RALGPS2: variants seen among roughly 807,000 people sequenced by gnomAD.
The protein encoded by RALGPS2 is ras-specific guanine nucleotide-releasing factor RalGPS2.
Under a neutral mutation model 86.8 loss-of-function variants are expected in RALGPS2, and 43 were observed. The observed-to-expected ratio is 0.50, with a 90% CI of 0.39 to 0.64. The LOEUF is 0.64. RALGPS2 is among the 30% of genes least tolerant of loss of function. RALGPS2 has a pLI of 0.00. For synonymous variants in RALGPS2, 243 were observed against 231.3 expected (o/e 1.05, Z -0.46); for missense variants, 536 against 694.6 (o/e 0.77, Z 2.57).
intron 8 of RALGPS2, among the ~76,000 whole-genome samples, chr1:178,854,844 A>G (rs76256203): frequency 0.018 from 2,799 of 152,242 alleles, 78 homozygotes; most frequent in African/African-American, 0.063. Flanking sequence ...GTGACAACAC[A>G]TTTTGTGAAA....
intron 11 of RALGPS2, 103 bp from the exon 12 acceptor site, chr1:178,884,973 A>G (rs547418355): frequency 3.0e-5 from 34 of 1,130,856 alleles, no homozygotes; most frequent in Admixed American, 1.3e-4. Flanking sequence ...AAATAGAACT[A>G]ACATCAGTAC....
chr1:178,795,742 T>A (rs1654158118), intron 4 of RALGPS2, among the ~76,000 whole-genome samples: 1 of 152,152 alleles, frequency 6.6e-6, no homozygotes, highest in Admixed American at 6.6e-5. Flanking sequence ...CTGAAAAATT[T>A]AACAATTGAG....
intron 1 of RALGPS2, among the ~76,000 whole-genome samples, chr1:178,728,187 A>G (rs899259117): frequency 2.6e-5 from 4 of 152,158 alleles, no homozygotes; most frequent in African/African-American, 9.6e-5. Flanking sequence ...ATTTATTTAT[A>G]AGGGAATCTA....
At chr1:178,821,505 A>G (rs983382225) in intron 6 of RALGPS2, 107 bp from the exon 7 acceptor site, 5 of 787,938 alleles carry the variant, frequency 6.3e-6, no homozygotes, top group Middle Eastern at 2.4e-4. Context: ...AAGGTAATAT[A>G]TGCTGGAACA....
intron 14 of RALGPS2, among the ~76,000 whole-genome samples, chr1:178,890,056 C>CA (rs1659655415): frequency 6.6e-6 from 1 of 151,834 alleles, no homozygotes; most frequent in African/African-American, 2.4e-5. Context: ...GTGGAATGGT[C>CA]AACTTTATTC....
At chr1:178,760,228 A>C (rs1055376042) in intron 1 of RALGPS2, among the ~76,000 whole-genome samples, 18 of 152,268 alleles carry the variant, frequency 1.2e-4, no homozygotes, top group Admixed American at 1.0e-3. Flanking sequence ...GTCTGTGTCA[A>C]ATTTAAGTCC....
intron 7 of RALGPS2, among the ~76,000 whole-genome samples, chr1:178,831,963 G>C (rs12410841): frequency 4.8e-4 from 73 of 152,080 alleles, no homozygotes; most frequent in African/African-American, 1.6e-3. Context: ...GATTAGTTAC[G>C]AGTTCTAAGT....
chr1:178,871,204 G>A (rs576578056), intron 8 of RALGPS2, among the ~76,000 whole-genome samples: 1 of 152,072 alleles, frequency 6.6e-6, no homozygotes, highest in Non-Finnish European at 1.5e-5. Context: ...CCTTAAATAG[G>A]GGGGTGGGAT....
intron 1 of RALGPS2, among the ~76,000 whole-genome samples, chr1:178,759,358 G>A (rs1652114929): frequency 6.6e-6 from 1 of 151,946 alleles, no homozygotes; most frequent in Non-Finnish European, 1.5e-5. Flanking sequence ...GAATGTTCTT[G>A]GCACCTTTGT....
intron 8 of RALGPS2, among the ~76,000 whole-genome samples, chr1:178,874,862 C>T (rs780807778): frequency 3.3e-5 from 5 of 152,130 alleles, no homozygotes; most frequent in Non-Finnish European, 5.9e-5. Context: ...GCAGTCTGCC[C>T]GCCTCAGCCT....
At chr1:178,757,922 C>CT (rs1652036986) in intron 1 of RALGPS2, among the ~76,000 whole-genome samples, 1 of 151,802 alleles carries the variant, frequency 6.6e-6, no homozygotes, top group Non-Finnish European at 1.5e-5. Flanking sequence ...GGTCTAGGGC[C>CT]TTTTTTGGTT....
chr1:178,781,307 A>G (rs1653382364), intron 2 of RALGPS2, among the ~76,000 whole-genome samples: 1 of 152,192 alleles, frequency 6.6e-6, no homozygotes, highest in Non-Finnish European at 1.5e-5. Context: ...TTATAGGTCT[A>G]GTAACATCAA....
intron 2 of RALGPS2, 44 bp from the exon 3 acceptor site, chr1:178,784,374 G>T: frequency 1.4e-6 from 2 of 1,463,378 alleles, no homozygotes; most frequent in South Asian, 1.3e-5. Flanking sequence ...TCACTTGATT[G>T]TGAGACAGTA....
At chr1:178,861,726 A>T (rs1318954057) in intron 8 of RALGPS2, among the ~76,000 whole-genome samples, 2 of 152,248 alleles carry the variant, frequency 1.3e-5, no homozygotes, top group Non-Finnish European at 2.9e-5. Context: ...CAAACTACTG[A>T]TAAATTATAT....
chr1:178,732,879 A>G (rs1307379866), intron 1 of RALGPS2, among the ~76,000 whole-genome samples: 1 of 152,142 alleles, frequency 6.6e-6, no homozygotes, highest in African/African-American at 2.4e-5. Context: ...TTCCTGAGTT[A>G]AACCCTATTT....
At chr1:178,829,759 T>G (rs1655928474) in intron 7 of RALGPS2, among the ~76,000 whole-genome samples, 1 of 152,114 alleles carries the variant, frequency 6.6e-6, no homozygotes, top group Non-Finnish European at 1.5e-5. Context: ...TTTTTATTTT[T>G]TTTGAGATGG....
chr1:178,756,250 A>G (rs1651950952), intron 1 of RALGPS2, among the ~76,000 whole-genome samples: 1 of 152,160 alleles, frequency 6.6e-6, no homozygotes, highest in Non-Finnish European at 1.5e-5. Context: ...CATGTCCAGA[A>G]TGGTGTTTCC....
chr1:178,817,833 A>G (rs751654819), intron 6 of RALGPS2, among the ~76,000 whole-genome samples: 3 of 152,150 alleles, frequency 2.0e-5, no homozygotes, highest in African/African-American at 7.2e-5. Context: ...CATTATTTCT[A>G]ATAGACAGCC....
intron 8 of RALGPS2, among the ~76,000 whole-genome samples, chr1:178,869,794 A>C (rs974325833): frequency 1.3e-5 from 2 of 152,168 alleles, no homozygotes; most frequent in Non-Finnish European, 1.5e-5. Flanking sequence ...CAAATCTAAC[A>C]AACTTAAGTG....
Sources: gnomAD v4.1 joint callset for allele counts (sites outside exome capture counted in the v4.1 genomes callset) on GRCh38, gnomAD v4.1.1 for gene constraint, MANE v1.5 for transcripts, NCBI Gene and HGNC (gene_info 2026-07-23, HGNC 2026-07-21) for gene names.